RIMS3: variants seen among roughly 807,000 people sequenced by gnomAD.
RIMS3 encodes the protein regulating synaptic membrane exocytosis protein 3.
RIMS3 carries 15 observed loss-of-function variants against 29.2 expected under a neutral mutation model. The observed-to-expected ratio is 0.51, with a 90% CI of 0.34 to 0.79. RIMS3 has a LOEUF of 0.79. Among genes scored for constraint, RIMS3 ranks in the 30% least tolerant of loss-of-function variants. The pLI, the probability that RIMS3 is intolerant of heterozygous loss-of-function variation, is 0.01. For synonymous variants in RIMS3, 161 were observed against 170.1 expected (o/e 0.95, Z 0.41); for missense variants, 342 against 421.4 (o/e 0.81, Z 1.65).
chr1:40,668,019 G>A (rs780941706), upstream of RIMS3, among the ~76,000 whole-genome samples: 32 of 152,228 alleles, frequency 2.1e-4, no homozygotes, highest in South Asian at 2.1e-4. Flanking sequence ...TTGGGAGGCC[G>A]AGGCAGGCGG....
upstream of RIMS3, among the ~76,000 whole-genome samples, chr1:40,670,668 A>C (rs1642483197): frequency 7.0e-6 from 1 of 142,056 alleles, no homozygotes; most frequent in Non-Finnish European, 1.5e-5. Context: ...TGCTCACTGC[A>C]ATCTCCGCCT....
intron 2 of RIMS3, among the ~76,000 whole-genome samples, chr1:40,642,253 C>T (rs1002880664): frequency 1.3e-5 from 2 of 152,172 alleles, no homozygotes; most frequent in Non-Finnish European, 2.9e-5. Flanking sequence ...ACACTAGCTG[C>T]GTGGACTTGT....
intron 1 of RIMS3, among the ~76,000 whole-genome samples, chr1:40,653,422 T>C (rs1380241088): frequency 6.6e-6 from 1 of 152,014 alleles, no homozygotes; most frequent in Non-Finnish European, 1.5e-5. Flanking sequence ...CACCCTGATA[T>C]TGAGACCGAG....
intron 5 of RIMS3, among the ~76,000 whole-genome samples, chr1:40,630,224 T>A (rs1646480785): frequency 6.6e-6 from 1 of 152,136 alleles, no homozygotes; most frequent in Non-Finnish European, 1.5e-5. Context: ...CAGCAGACTT[T>A]CTGGGTGTGG....
chr1:40,658,471 T>C (rs1234867641), intron 1 of RIMS3, among the ~76,000 whole-genome samples: 1 of 152,210 alleles, frequency 6.6e-6, no homozygotes, highest in Non-Finnish European at 1.5e-5. Flanking sequence ...GTTTGGAAGC[T>C]AACGAAGATC....
chr1:40,624,202 G>A lies in RIMS3; in HGVS notation c.*2315C>T, dbSNP rs982207293. 1 of 152,232 alleles carries A rather than the reference G, an allele frequency of 6.6e-6. No individual in the cohort carries two copies. The highest frequency in any genetic ancestry group is 2.4e-5 in the African/African-American group (1 of 41,424). 9.4% of individuals were successfully genotyped at this position (152,232 alleles called of 1,614,324 possible). A position where few individuals can be genotyped will look rare whatever the true frequency, so the allele number is the denominator to read the frequency against. ...GTATGGGTAGCCCCCACTTCCTGGG[G>A]TGACTGCTGGTCTGGGTATCACCAC... On this transcript the variant is annotated 3_prime_UTR_variant, in exon 8 of 8. Coordinates refer to ENST00000372684, the MANE Select transcript of RIMS3 (RefSeq NM_014747.3).
intron 1 of RIMS3, among the ~76,000 whole-genome samples, chr1:40,653,777 A>G (rs1034729727): frequency 6.6e-6 from 1 of 152,202 alleles, no homozygotes; most frequent in Non-Finnish European, 1.5e-5. Context: ...ACCGGTGAGC[A>G]CATAATTTAT....
chr1:40,685,260 A>G, the RIMS3 span, among the ~76,000 whole-genome samples: 4 of 147,600 alleles, frequency 2.7e-5, no homozygotes, highest in African/African-American at 1.0e-4. Context: ...AATGCAATAA[A>G]TTTATTATGA....
At chr1:40,651,079 C>T (rs187878197) in intron 1 of RIMS3, among the ~76,000 whole-genome samples, 1 of 152,194 alleles carries the variant, frequency 6.6e-6, no homozygotes, top group East Asian at 1.9e-4. Context: ...CCCCATAACT[C>T]CCTTTGTACT....
At chr1:40,667,974 C>T (rs747567618), upstream of RIMS3, among the ~76,000 whole-genome samples, 22 of 152,002 alleles carry the variant, frequency 1.4e-4, no homozygotes, top group East Asian at 3.9e-4. Flanking sequence ...AACTTGTGGC[C>T]GGGGGCGGTG....
chr1:40,653,245 C>T lies in RIMS3; in HGVS notation c.-206-5403G>A, dbSNP rs181555388. Among the ~76,000 whole-genome samples, 149 of 152,130 alleles carry T rather than the reference C, an allele frequency of 9.8e-4. 2 individuals are homozygous for T. In the East Asian group the frequency reaches 0.02, roughly 20 times the overall value. On this transcript the variant is annotated intron_variant, in intron 1 of 7. Coordinates refer to ENST00000372684, the MANE Select transcript of RIMS3 (RefSeq NM_014747.3). ...TGGGGTGTGGAAAGGAAGGAGAATG[C>T]CCAGAAGAGAGCAGAGAGTGAGGAA... is the stretch of plus-strand genomic sequence containing the variant.
the RIMS3 span, among the ~76,000 whole-genome samples, chr1:40,684,951 A>G: frequency 5.3e-5 from 8 of 152,136 alleles, no homozygotes; most frequent in Non-Finnish European, 8.8e-5. Context: ...CATAGACTCC[A>G]TGTTTGTAAC....
intron 7 of RIMS3, 43 bp downstream of exon 7, chr1:40,628,767 A>G: frequency 6.2e-7 from 1 of 1,613,626 alleles, no homozygotes; most frequent in Non-Finnish European, 8.5e-7. Flanking sequence ...TACAACTTCC[A>G]GTCTGTGAGT....
intron 1 of RIMS3, among the ~76,000 whole-genome samples, chr1:40,648,349 C>T (rs1034590787): frequency 2.0e-5 from 3 of 152,172 alleles, no homozygotes; most frequent in African/African-American, 4.8e-5. Context: ...CTGACTCTCC[C>T]GGCTGGACTG....
chr1:40,643,149 T>C (rs1181886695), intron 2 of RIMS3, among the ~76,000 whole-genome samples: 2 of 152,102 alleles, frequency 1.3e-5, no homozygotes, highest in Non-Finnish European at 2.9e-5. Context: ...TTTATTTATT[T>C]ATTTTTTTGA....
chr1:40,673,320 C>A, the RIMS3 span: 8 of 152,180 alleles, frequency 5.3e-5, no homozygotes, highest in Admixed American at 5.2e-4. Flanking sequence ...CTTTACCATG[C>A]ACTCTCAGAG....
Position 40,621,564 on chromosome 1 carries a change from A to G in RIMS3, c.*4953T>C, listed in dbSNP as rs944937338. 2.0e-5 allele frequency: 3 copies of G among 152,220 alleles called. No individual in the cohort carries two copies. Among genetic ancestry groups the G allele is most frequent in the African/African-American group, 7.2e-5 (3 of 41,468 alleles). The allele number at this position is 152,220 out of a possible 1,614,324, so 9.4% of individuals were successfully genotyped here. A position where few individuals can be genotyped will look rare whatever the true frequency, so the allele number is the denominator to read the frequency against. On this transcript the variant is annotated 3_prime_UTR_variant, in exon 8 of 8. Coordinates refer to ENST00000372684, the MANE Select transcript of RIMS3 (RefSeq NM_014747.3). ...TCGCAACCCTCATGTGCTCCAGATC[A>G]GAGACTTTTAATTAAAACTGGGAGG... is the stretch of plus-strand genomic sequence containing the variant.
At chr1:40,661,906 C>T (rs1043124951) in intron 1 of RIMS3, among the ~76,000 whole-genome samples, 1 of 152,168 alleles carries the variant, frequency 6.6e-6, no homozygotes, top group Non-Finnish European at 1.5e-5. Context: ...AACAAGGCCA[C>T]GATACAGCTT....
chr1:40,676,484 G>A, the RIMS3 span, among the ~76,000 whole-genome samples: 3 of 152,158 alleles, frequency 2.0e-5, no homozygotes, highest in South Asian at 4.1e-4. Context: ...CTCCTCCTTC[G>A]ATTGTATCTT....
Sources: gnomAD v4.1 joint callset for allele counts (sites outside exome capture counted in the v4.1 genomes callset) on GRCh38, gnomAD v4.1.1 for gene constraint, MANE v1.5 for transcripts, NCBI Gene and HGNC (gene_info 2026-07-23, HGNC 2026-07-21) for gene names.